The following MAP3K9 variants were observed in gnomAD, a reference collection of about 807,000 sequenced individuals.
The protein encoded by MAP3K9 is mixed lineage kinase 1 (tyr and ser/thr specificity).
A neutral mutation model predicts 95.8 loss-of-function variants in MAP3K9; 46 were observed. The observed-to-expected ratio is 0.48, with a 90% CI of 0.38 to 0.61. MAP3K9 has a LOEUF of 0.61. MAP3K9 is among the 20% of genes least tolerant of loss of function. The pLI is 0.00. For synonymous variants in MAP3K9, 533 were observed against 593.8 expected, an observed-to-expected ratio of 0.90 and a Z score of 1.49; for missense variants, 1,296 against 1,474.3, an observed-to-expected ratio of 0.88 and a Z score of 1.98.
chr14:70,773,113 CA>C (rs2054552572), intron 2 of MAP3K9, among the ~76,000 whole-genome samples: 1 of 152,234 alleles, frequency 6.6e-6, no homozygotes, highest in Non-Finnish European at 1.5e-5. Flanking sequence ...AGATACCTTT[CA>C]GTAACCCTCT....
chr14:70,752,394 G>A (rs1284806846), intron 3 of MAP3K9, among the ~76,000 whole-genome samples: 1 of 152,204 alleles, frequency 6.6e-6, no homozygotes, highest in Non-Finnish European at 1.5e-5. Context: ...GGGTCTGTGG[G>A]TATGGGAGTG....
rs116572081 is a variant in MAP3K9 at position 70,758,282 on chromosome 14, G to C, written c.1001+2720C>G. 8.3e-3 allele frequency among the ~76,000 whole-genome samples: 1,265 copies of C among 152,088 alleles called. 16 individuals are homozygous for C. The highest frequency in any genetic ancestry group is 0.028 in the African/African-American group (1,161 of 41,458). On this transcript the variant is annotated intron_variant, in intron 3 of 11. Transcript: ENST00000554752. The stretch of plus-strand genomic sequence containing the variant: ...TAATTGGCCAATAATTACATGAAAA[G>C]ATACTCAACATCATAAGTCATTTAG...
At chr14:70,739,495 T>C (rs1303765635) in intron 7 of MAP3K9, among the ~76,000 whole-genome samples, 1 of 114,220 alleles carries the variant, frequency 8.8e-6, no homozygotes, top group Non-Finnish European at 1.9e-5. Context: ...CACATATAGG[T>C]GTATGTTCAC....
chr14:70,742,585 G>A lies in MAP3K9; in HGVS notation c.1333C>T (p.Arg445Cys), dbSNP rs201808611. The A allele has an allele frequency of 5.6e-6, 9 of 1,613,868 alleles. No homozygotes were observed. Among genetic ancestry groups the A allele is most frequent in the Admixed American group, 3.3e-5 (2 of 60,012 alleles). Residue 445 changes from arginine to cysteine, a missense_variant, in exon 6 of 12, where the codon CGC becomes TGC. Coordinates refer to ENST00000554752, the MANE Select transcript of MAP3K9 (RefSeq NM_001284230.2). ...CGCGTCAGCTCCTCCTCCCAGGTGC[G>A]AAGTTCCTGCAGGATGGGCAGAACC... Reference protein sequence around the residue: ...DQLRAKEKELRTWEEELTRAA... With the variant: ...DQLRAKEKELCTWEEELTRAA...
At chr14:70,765,751 CAAAAA>C (rs1566749981) in intron 2 of MAP3K9, among the ~76,000 whole-genome samples, 1 of 89,808 alleles carries the variant, frequency 1.1e-5, no homozygotes, top group Non-Finnish European at 2.3e-5. Context: ...AAAAAAAAAA[CAAAAA>C]AAAACAAAAA....
rs575973695 is a variant in MAP3K9 at position 70,733,653 on chromosome 14, G to C, written c.2027-311C>G. 19 of 707,980 alleles carry C rather than the reference G, an allele frequency of 2.7e-5. No homozygotes were observed. The South Asian group carries it at 2.9e-4, about 11-fold the overall frequency. The allele number at this position is 707,980 out of a possible 1,614,324, so 43.9% of individuals were successfully genotyped here. On this transcript the variant is annotated intron_variant, in intron 10 of 11. Coordinates refer to ENST00000554752, the MANE Select transcript of MAP3K9 (RefSeq NM_001284230.2). ...TGGGTATCCACTTGACTGGACTGAGGGATGCCTGCATGGCTGGTGAAGCAC... is the reference window on the plus strand; with the variant it reads ...TGGGTATCCACTTGACTGGACTGAGCGATGCCTGCATGGCTGGTGAAGCAC...
At chr14:70,731,251 G>T (rs536577317) in intron 11 of MAP3K9, among the ~76,000 whole-genome samples, 1 of 151,920 alleles carries the variant, frequency 6.6e-6, no homozygotes, top group Non-Finnish European at 1.5e-5. Context: ...TTCAAGAACA[G>T]CTTGGGCAAC....
chr14:70,783,285 C>A (rs1221118471), intron 2 of MAP3K9: 3 of 956,838 alleles, frequency 3.1e-6, no homozygotes, highest in Non-Finnish European at 3.7e-6. Context: ...AAGACGGCAT[C>A]CTAAAGTAAA....
At chr14:70,750,843 A>T (rs1566741044) in intron 3 of MAP3K9, among the ~76,000 whole-genome samples, 2 of 151,946 alleles carry the variant, frequency 1.3e-5, no homozygotes, top group Non-Finnish European at 2.9e-5. Flanking sequence ...CCCAAGTATA[A>T]TTTTTTTTCT....
In MAP3K9 at chr14:70,749,022, AT is replaced by A. The variant is rs781666012; in HGVS notation, c.1151-19del. On this transcript the variant is annotated intron_variant, in intron 4 of 11. Transcript: ENST00000554752. ...CCAGCAGTCTGAATAGAACATGTGA[AT>A]ACTCAGAAAGCATGAATGGACAGAA... is the stretch of plus-strand genomic sequence containing the variant. The A allele has an allele frequency of 6.2e-6, 10 of 1,603,254 alleles. No individual in the cohort carries two copies. The East Asian group carries it at 2.0e-4, about 32-fold the overall frequency.
intron 5 of MAP3K9, among the ~76,000 whole-genome samples, chr14:70,743,523 A>C (rs566081213): frequency 1.6e-4 from 24 of 151,994 alleles, no homozygotes; most frequent in Non-Finnish European, 2.8e-4. Flanking sequence ...AAAAAAAAAA[A>C]CCCCATCAAA....
At chr14:70,751,646 G>A (rs1327933283) in intron 3 of MAP3K9, among the ~76,000 whole-genome samples, 2 of 152,152 alleles carry the variant, frequency 1.3e-5, no homozygotes, top group African/African-American at 4.8e-5. Context: ...TTGAATCTAG[G>A]AGGCGAAGGT....
Position 70,730,009 on chromosome 14 carries a change from A to C in MAP3K9, c.*371T>G. On this transcript the variant is annotated 3_prime_UTR_variant, in exon 12 of 12. Transcript: ENST00000554752. ...AACTCGGGGCTGACAAAGGGACCCT[A>C]TGACAGCTCTGCGCACACCCAACTG... 4.6e-6 allele frequency: 1 copy of C among 215,408 alleles called. No individual in the cohort carries two copies. The highest frequency in any genetic ancestry group is 9.3e-6 in the Non-Finnish European group (1 of 107,914). 13.3% of individuals were successfully genotyped at this position (215,408 alleles called of 1,614,324 possible). A position where few individuals can be genotyped will look rare whatever the true frequency, so the allele number is the denominator to read the frequency against.
chr14:70,765,502 C>A lies in MAP3K9; in HGVS notation c.821-4320G>T, dbSNP rs563916511. The A allele has an allele frequency of 5.3e-4, 360 of 680,230 alleles. 4 individuals are homozygous for A. Among genetic ancestry groups the A allele is most frequent in the South Asian group, 3.6e-3 (225 of 63,084 alleles). 42.1% of individuals were successfully genotyped at this position (680,230 alleles called of 1,614,324 possible). A position where few individuals can be genotyped will look rare whatever the true frequency, so the allele number is the denominator to read the frequency against. On this transcript the variant is annotated intron_variant, in intron 2 of 11. Coordinates refer to ENST00000554752, the MANE Select transcript of MAP3K9 (RefSeq NM_001284230.2). ...TGGTGAGTGTTCTGTAAAGAAGTAC[C>A]ATTTTTTATTTTTATATCATATTTT...
At position 70,768,035 on chromosome 14, in the gene MAP3K9, A is replaced by G. The variant is rs536207671; in HGVS notation, c.821-6853T>C. 3.3e-5 allele frequency among the ~76,000 whole-genome samples: 5 copies of G among 152,170 alleles called. No homozygotes were observed. In the South Asian group the frequency reaches 1.0e-3, roughly 32 times the overall value. On this transcript the variant is annotated intron_variant, in intron 2 of 11. Coordinates refer to ENST00000554752, the MANE Select transcript of MAP3K9 (RefSeq NM_001284230.2). ...TATATACCACTTAATATTATTATTT[A>G]AATAATATTTAATGGGCATCAAAAA...
chr14:70,760,995 A>C lies in MAP3K9; in HGVS notation c.1001+7T>G. On this transcript the variant is annotated splice_region_variant and intron_variant, in intron 3 of 11. Coordinates refer to ENST00000554752, the MANE Select transcript of MAP3K9 (RefSeq NM_001284230.2). ...GGAAATGCTGTCCCTGCCCCCCTGG[A>C]CCTTACCTCCACACATCACTGCCTT... The C allele has an allele frequency of 6.2e-7, 1 of 1,613,192 alleles. No homozygotes were observed. The highest frequency in any genetic ancestry group is 8.5e-7 in the Non-Finnish European group (1 of 1,179,832).
chr14:70,737,142 T>C (rs1455531370), intron 8 of MAP3K9, among the ~76,000 whole-genome samples: 1 of 152,204 alleles, frequency 6.6e-6, no homozygotes, highest in African/African-American at 2.4e-5. Context: ...TGCTAGCTTC[T>C]AACACCAAGA....
intron 3 of MAP3K9, among the ~76,000 whole-genome samples, chr14:70,754,225 T>C (rs1002989122): frequency 2.0e-5 from 3 of 152,206 alleles, no homozygotes; most frequent in East Asian, 1.9e-4. Flanking sequence ...AATATATACA[T>C]TGATAAACTT....
Position 70,809,067 on chromosome 14 carries a change from C to T in MAP3K9, c.105G>A (p.Glu35=). The change falls in exon 1 of 12, where the codon GAG becomes GAA. Residue 35 remains glutamate (E), a synonymous_variant. Transcript: ENST00000554752. ...AGAGAEEEEE[E]EEEAAAAVGP... is the part of the protein sequence containing the mutation. Reference sequence around the variant, plus strand: ...CCACCGCCGCCGCCGCCTCCTCCTCCTCCTCCTCCTCCTCCTCGGCCCCGG... The same window carrying T: ...CCACCGCCGCCGCCGCCTCCTCCTCTTCCTCCTCCTCCTCCTCGGCCCCGG... 5 of 1,444,070 alleles carry T rather than the reference C, an allele frequency of 3.5e-6. No homozygotes were observed. Among genetic ancestry groups the T allele is most frequent in the Non-Finnish European group, 4.5e-6 (5 of 1,104,966 alleles). 89.5% of individuals were successfully genotyped at this position (1,444,070 alleles called of 1,614,324 possible). A position where few individuals can be genotyped will look rare whatever the true frequency, so the allele number is the denominator to read the frequency against.
Sources: gnomAD v4.1 joint callset for allele counts (sites outside exome capture counted in the v4.1 genomes callset) on GRCh38, gnomAD v4.1.1 for gene constraint, MANE v1.5 for transcripts, NCBI Gene and HGNC (gene_info 2026-07-23, HGNC 2026-07-21) for gene names.